Variants in RELN observed in about 807,000 individuals in gnomAD.
RELN encodes reelin.
Under a neutral mutation model 427.6 loss-of-function variants are expected in RELN, and 108 were observed. That is an observed-to-expected ratio of 0.25 (90% CI 0.22 to 0.30). RELN has a LOEUF of 0.30. Among genes scored for constraint, RELN ranks in the 10% least tolerant of loss-of-function variants. The probability of loss-of-function intolerance (pLI) is 1.00; values close to 1 mark genes in which losing one functional copy is unlikely to be tolerated. For missense variants in RELN, 3,715 were observed against 4,302.8 expected (o/e 0.86, Z 3.82); for synonymous variants, 1,524 against 1,513.4 (o/e 1.01, Z -0.16).
intron 3 of RELN, among the ~76,000 whole-genome samples, chr7:103,822,097 TA>T (rs2116374422): frequency 6.6e-6 from 1 of 152,216 alleles, no homozygotes; most frequent in South Asian, 2.1e-4. Flanking sequence ...GATTTAATGT[TA>T]AATAGGTTAT....
At chr7:103,643,576 C>G (rs1011712990) in intron 16 of RELN, among the ~76,000 whole-genome samples, 39 of 151,908 alleles carry the variant, frequency 2.6e-4, no homozygotes, top group African/African-American at 8.0e-4. Flanking sequence ...CATAGCTAAT[C>G]TTAACTAACC....
chr7:103,618,923 T>C (rs1408350620), intron 20 of RELN, among the ~76,000 whole-genome samples: 3 of 151,992 alleles, frequency 2.0e-5, no homozygotes, highest in East Asian at 1.9e-4. Context: ...CCATCCTGGC[T>C]AACATGGTGA....
chr7:103,679,646 T>G (rs1254352269), intron 11 of RELN, among the ~76,000 whole-genome samples: 1 of 152,198 alleles, frequency 6.6e-6, no homozygotes, highest in Non-Finnish European at 1.5e-5. Flanking sequence ...TGTTCCTCTG[T>G]GTCCATATTG....
chr7:103,966,047 A>T (rs996973910), intron 1 of RELN, among the ~76,000 whole-genome samples: 2 of 152,232 alleles, frequency 1.3e-5, no homozygotes, highest in African/African-American at 4.8e-5. Flanking sequence ...AACAAAGCCA[A>T]TTTTATTACA....
At position 103,922,371 on chromosome 7, in the gene RELN, C is replaced by G. The variant is rs371169809; in HGVS notation, c.227-5186G>C. ...TATATATACATATAAATGTATATACCAAATTAATCTTCTGATAATTTTTGT... is the reference window on the plus strand; with the variant it reads ...TATATATACATATAAATGTATATACGAAATTAATCTTCTGATAATTTTTGT... On this transcript the variant is annotated intron_variant, in intron 1 of 64. Transcript: ENST00000428762. Among the ~76,000 whole-genome samples the G allele has an allele frequency of 2.6e-5, 4 of 151,562 alleles. No individual in the cohort carries two copies. In the East Asian group the frequency reaches 5.8e-4, roughly 22 times the overall value.
chr7:103,762,525 A>T (rs750956891), intron 4 of RELN, among the ~76,000 whole-genome samples: 1 of 152,204 alleles, frequency 6.6e-6, no homozygotes. Context: ...ATTAGAGCTG[A>T]TCCAACTGCA....
chr7:103,865,444 C>T (rs1794175942), intron 2 of RELN, among the ~76,000 whole-genome samples: 1 of 152,036 alleles, frequency 6.6e-6, no homozygotes, highest in Non-Finnish European at 1.5e-5. Context: ...AAAAGTATTA[C>T]ACTAAAAGAA....
intron 4 of RELN, among the ~76,000 whole-genome samples, chr7:103,756,943 T>C (rs1791173482): frequency 2.0e-5 from 3 of 152,166 alleles, no homozygotes; most frequent in South Asian, 4.1e-4. Flanking sequence ...AGAAGCTTAT[T>C]TTAATCATTT....
chr7:103,509,205 A>G (rs888865451), intron 51 of RELN, among the ~76,000 whole-genome samples: 1 of 152,238 alleles, frequency 6.6e-6, no homozygotes, highest in Admixed American at 6.5e-5. Flanking sequence ...GACAATCCTA[A>G]GCAAAAAGAA....
chr7:103,888,671 C>T (rs1794777697), intron 2 of RELN, among the ~76,000 whole-genome samples: 1 of 152,118 alleles, frequency 6.6e-6, no homozygotes, highest in Admixed American at 6.5e-5. Context: ...AAGATACCCC[C>T]ATCTCCATCA....
chr7:103,687,221 A>C (rs1432794969), intron 10 of RELN, among the ~76,000 whole-genome samples: 1 of 152,162 alleles, frequency 6.6e-6, no homozygotes, highest in Non-Finnish European at 1.5e-5. Context: ...TAACAATGTA[A>C]AATTCCAAAG....
intron 4 of RELN, among the ~76,000 whole-genome samples, chr7:103,759,428 AACAAGGTTATTATTTATTTGCTT>A (rs1328976980): frequency 6.6e-6 from 1 of 152,148 alleles, no homozygotes; most frequent in African/African-American, 2.4e-5. Context: ...GGTCTCTTTA[AACAAGGTTATTATTTATTTGCTT>A]AAAATGAAAG....
intron 27 of RELN, among the ~76,000 whole-genome samples, chr7:103,592,159 A>T (rs1413064384): frequency 6.6e-6 from 1 of 152,110 alleles, no homozygotes; most frequent in Non-Finnish European, 1.5e-5. Flanking sequence ...ATACTACCCA[A>T]TAGGTAGTTT....
At chr7:103,694,405 C>T (rs1271880513) in intron 10 of RELN, among the ~76,000 whole-genome samples, 4 of 151,852 alleles carry the variant, frequency 2.6e-5, no homozygotes, top group African/African-American at 7.3e-5. Context: ...CCACTTTCCA[C>T]ATATGAAAAA....
At chr7:103,853,269 A>T (rs1408054609) in intron 2 of RELN, among the ~76,000 whole-genome samples, 2 of 152,122 alleles carry the variant, frequency 1.3e-5, no homozygotes, top group Non-Finnish European at 2.9e-5. Flanking sequence ...TTGAAAGATC[A>T]CAAAGAAAAG....
At chr7:103,572,598 G>T (rs1384053775) in intron 30 of RELN, among the ~76,000 whole-genome samples, 1 of 151,584 alleles carries the variant, frequency 6.6e-6, no homozygotes, top group Non-Finnish European at 1.5e-5. Flanking sequence ...ATGCAGTGGC[G>T]TGATCTCGAC....
intron 6 of RELN, among the ~76,000 whole-genome samples, chr7:103,731,344 G>T (rs1790348505): frequency 6.6e-6 from 1 of 152,048 alleles, no homozygotes; most frequent in African/African-American, 2.4e-5. Context: ...GAACCACATT[G>T]GTCCATGCAG....
intron 1 of RELN, among the ~76,000 whole-genome samples, chr7:103,964,724 A>C (rs187080827): frequency 5.0e-4 from 76 of 152,344 alleles, no homozygotes; most frequent in Admixed American, 9.2e-4. Flanking sequence ...GTTTATGCAT[A>C]GTTATCACTT....
At chr7:103,901,288 T>G (rs1327129978) in intron 2 of RELN, among the ~76,000 whole-genome samples, 3 of 151,964 alleles carry the variant, frequency 2.0e-5, no homozygotes, top group Non-Finnish European at 4.4e-5. Context: ...AAACTGAACC[T>G]CTCATACATT....
Sources: allele counts gnomAD v4.1 joint callset (sites outside exome capture counted in the v4.1 genomes callset), GRCh38; gene constraint gnomAD v4.1.1; transcripts MANE v1.5; gene names NCBI Gene and HGNC (gene_info 2026-07-23, HGNC 2026-07-21).